The following ZFP1 variants were observed in gnomAD, a reference collection of about 807,000 sequenced individuals.
The protein encoded by ZFP1 is ZFP1 zinc finger protein.
In ZFP1, 32 loss-of-function variants were observed where a neutral mutation model predicts 38.5. The observed-to-expected ratio is 0.83, with a 90% CI of 0.63 to 1.12. The LOEUF is 1.12. Among genes scored for constraint, ZFP1 ranks in the 50% most tolerant of loss-of-function variants. ZFP1 has a pLI of 0.00. For synonymous variants in ZFP1, 245 were observed against 168.8 expected (o/e 1.45, Z -3.50); for missense variants, 616 against 480.8 (o/e 1.28, Z -2.63).
At chr16:75,151,797 A>G (rs2037217722) in intron 1 of ZFP1, among the ~76,000 whole-genome samples, 1 of 152,152 alleles carries the variant, frequency 6.6e-6, no homozygotes, top group South Asian at 2.1e-4. Context: ...TTATTTGTGT[A>G]GATTCAGGTT....
intron 2 of ZFP1, 47 bp downstream of exon 2, chr16:75,153,013 GA>G: frequency 1.2e-6 from 2 of 1,608,926 alleles, no homozygotes; most frequent in Non-Finnish European, 1.7e-6. Flanking sequence ...TGCATTTAAG[GA>G]AGTTTATAAG....
the ZFP1 span, among the ~76,000 whole-genome samples, chr16:75,123,998 G>GCA: frequency 6.6e-6 from 1 of 151,504 alleles, no homozygotes; most frequent in Non-Finnish European, 1.5e-5. Flanking sequence ...GGAGGCAGAG[G>GCA]GAGGAGAATC....
chr16:75,136,146 G>T, the ZFP1 span, among the ~76,000 whole-genome samples: 10 of 152,162 alleles, frequency 6.6e-5, 1 homozygote, highest in African/African-American at 2.4e-4. Flanking sequence ...CATTTAGGAA[G>T]TCGGGGGAGT....
At chr16:75,155,034 AGT>A (rs2037404771) in intron 2 of ZFP1, among the ~76,000 whole-genome samples, 1 of 152,120 alleles carries the variant, frequency 6.6e-6, no homozygotes, top group Non-Finnish European at 1.5e-5. Context: ...CCTGGGCTCA[AGT>A]GATCCACCCA....
At chr16:75,138,375 C>A in the ZFP1 span, among the ~76,000 whole-genome samples, 1 of 152,120 alleles carries the variant, frequency 6.6e-6, no homozygotes, top group African/African-American at 2.4e-5. Flanking sequence ...AGAGTGACTT[C>A]CTTCCAAAGA....
upstream of ZFP1, among the ~76,000 whole-genome samples, chr16:75,145,484 T>G (rs2145479285): frequency 6.6e-6 from 1 of 152,294 alleles, no homozygotes; most frequent in South Asian, 2.1e-4. Flanking sequence ...TTTTCACGCC[T>G]GTACGTTGCC....
At chr16:75,161,810 G>T (rs1198253429) in intron 2 of ZFP1, among the ~76,000 whole-genome samples, 4 of 36,258 alleles carry the variant, frequency 1.1e-4, no homozygotes, top group African/African-American at 3.4e-4. Flanking sequence ...TCCTGAGATG[G>T]AGTCTCACTT....
At chr16:75,131,619 A>G in the ZFP1 span, among the ~76,000 whole-genome samples, 1 of 152,014 alleles carries the variant, frequency 6.6e-6, no homozygotes, top group Non-Finnish European at 1.5e-5. Flanking sequence ...CCATATTTGA[A>G]TGAGTTTATA....
the ZFP1 span, among the ~76,000 whole-genome samples, chr16:75,130,974 C>T: frequency 8.5e-5 from 13 of 152,110 alleles, no homozygotes; most frequent in African/African-American, 2.9e-4. Context: ...AGATCTGGCA[C>T]CTTTTAGGGC....
chr16:75,125,220 C>T, the ZFP1 span, among the ~76,000 whole-genome samples: 3 of 152,174 alleles, frequency 2.0e-5, no homozygotes, highest in East Asian at 3.8e-4. Flanking sequence ...GGTCATGCCA[C>T]TGCACTCCAG....
At chr16:75,155,978 G>T (rs2037450466) in intron 2 of ZFP1, among the ~76,000 whole-genome samples, 1 of 151,926 alleles carries the variant, frequency 6.6e-6, no homozygotes, top group Non-Finnish European at 1.5e-5. Context: ...TGCATCCGTG[G>T]GCCCTTTGCC....
upstream of ZFP1, among the ~76,000 whole-genome samples, chr16:75,145,156 T>C (rs1007029036): frequency 9.2e-5 from 14 of 152,262 alleles, no homozygotes; most frequent in Non-Finnish European, 1.8e-4. Flanking sequence ...AATGCTGCTA[T>C]GAACATTGGT....
intron 2 of ZFP1, among the ~76,000 whole-genome samples, chr16:75,161,774 A>AAATATTTT (rs2037795915): frequency 1.3e-4 from 1 of 7,818 alleles, no homozygotes; most frequent in East Asian, 1.7e-3. Flanking sequence ...ATATATATAT[A>AAATATTTT]TTTTTTTTTT....
intron 2 of ZFP1, chr16:75,157,009 C>A (rs754384574): frequency 1.2e-4 from 18 of 152,200 alleles, no homozygotes; most frequent in Admixed American, 3.3e-4. Context: ...TCACTGTGTT[C>A]CAGTCCGTAA....
rs1286755336 is a variant in ZFP1 at position 75,171,020 on chromosome 16, T to C, written c.*686T>C. ...TCTAGAAGCACTATTTACACAAATA[T>C]GCAAATGTGAAATAACCGATCTATA... On this transcript the variant is annotated 3_prime_UTR_variant, in exon 4 of 4. Coordinates refer to ENST00000570010, the MANE Select transcript of ZFP1 (RefSeq NM_153688.4). The C allele has an allele frequency of 6.0e-5, 1 of 16,782 alleles. No homozygotes were observed. The highest frequency in any genetic ancestry group is 1.0e-4 in the African/African-American group (1 of 9,706). The allele number at this position is 16,782 out of a possible 1,614,324, so 1.0% of individuals were successfully genotyped here. A position where few individuals can be genotyped will look rare whatever the true frequency, so the allele number is the denominator to read the frequency against.
the ZFP1 span, among the ~76,000 whole-genome samples, chr16:75,122,455 G>T: frequency 6.6e-6 from 1 of 152,102 alleles, no homozygotes; most frequent in Admixed American, 6.6e-5. Flanking sequence ...TAGGACTGGC[G>T]GGAAAGTTGT....
upstream of ZFP1, among the ~76,000 whole-genome samples, chr16:75,147,700 T>A (rs2036971728): frequency 6.6e-6 from 1 of 152,088 alleles, no homozygotes; most frequent in Admixed American, 6.6e-5. Context: ...TATATGGGAA[T>A]TCAATGTATT....
In ZFP1 at chr16:75,171,478, T is replaced by C. The variant is rs1306570376; in HGVS notation, c.*1144T>C. Reference sequence around the variant, plus strand: ...GTTGCCAACCTAAAACATTTCCCTTTGGAACATGAGTTATAAGTTATTACT... The same window carrying C: ...GTTGCCAACCTAAAACATTTCCCTTCGGAACATGAGTTATAAGTTATTACT... On this transcript the variant is annotated 3_prime_UTR_variant, in exon 4 of 4. Transcript: ENST00000570010. The C allele has an allele frequency of 6.6e-6, 1 of 152,234 alleles. No individual in the cohort carries two copies. The highest frequency in any genetic ancestry group is 2.4e-5 in the African/African-American group (1 of 41,460). The allele number at this position is 152,234 out of a possible 1,614,324, so 9.4% of individuals were successfully genotyped here. A position where few individuals can be genotyped will look rare whatever the true frequency, so the allele number is the denominator to read the frequency against.
the ZFP1 span, among the ~76,000 whole-genome samples, chr16:75,124,802 A>G: frequency 5.9e-4 from 80 of 135,802 alleles, 4 homozygotes; most frequent in Middle Eastern, 3.9e-3. Context: ...AAAAAAAAAA[A>G]GCAAGGTAAA....
Sources: allele counts gnomAD v4.1 joint callset (sites outside exome capture counted in the v4.1 genomes callset), GRCh38; gene constraint gnomAD v4.1.1; transcripts MANE v1.5; gene names NCBI Gene and HGNC (gene_info 2026-07-23, HGNC 2026-07-21).